Variants in ETV7 observed in about 807,000 individuals in gnomAD.
ETV7 encodes ETS variant transcription factor 7, also known as transcription factor ETV7.
In ETV7, 43 loss-of-function variants were observed where a neutral mutation model predicts 39.1. The ratio of observed to expected loss-of-function variants is 1.10; its 90% confidence interval spans 0.86 to 1.42. The LOEUF is 1.42. Among genes scored for constraint, ETV7 ranks in the 40% most tolerant of loss-of-function variants. The pLI is 0.00. For synonymous variants in ETV7, 196 were observed against 176.6 expected (o/e 1.11, Z -0.87); for missense variants, 432 against 442.3 (o/e 0.98, Z 0.21).
chr6:36,354,448 G>A lies in ETV7; in HGVS notation c.*194C>T, dbSNP rs1015357648. ...TTTTTGGAGATGGTGTAAGGTAAGG[G>A]GACAACTTTATTCTTTTGCATGTGG... On this transcript the variant is annotated 3_prime_UTR_variant, in exon 8 of 8. Coordinates refer to the ETV7 transcript ENST00000339796. The A allele has an allele frequency of 4.0e-5, 18 of 453,390 alleles. No homozygotes were observed. In the Admixed American group the frequency reaches 4.4e-4, roughly 11 times the overall value. 28.1% of individuals were successfully genotyped at this position (453,390 alleles called of 1,614,324 possible).
At chr6:36,357,152 G>A (rs1277342212) in intron 7 of ETV7, among the ~76,000 whole-genome samples, 1 of 152,148 alleles carries the variant, frequency 6.6e-6, no homozygotes, top group African/African-American at 2.4e-5. Flanking sequence ...ATTTGCCACT[G>A]AGAGGGCTGC....
At chr6:36,361,784 C>T (rs566532740), downstream of ETV7, among the ~76,000 whole-genome samples, 4 of 152,192 alleles carry the variant, frequency 2.6e-5, no homozygotes, top group Admixed American at 1.3e-4. Flanking sequence ...TTCATAAATT[C>T]TTTATCTATT....
At chr6:36,371,292 T>G in intron 5 of ETV7, 38 bp downstream of exon 5, 1 of 1,537,214 alleles carries the variant, frequency 6.5e-7, no homozygotes, top group South Asian at 1.2e-5. Flanking sequence ...TCAGACTCAG[T>G]GCACCTTCCA....
At chr6:36,374,356 CA>C (rs34244110) in intron 3 of ETV7, among the ~76,000 whole-genome samples, 50 of 143,322 alleles carry the variant, frequency 3.5e-4, no homozygotes, top group Admixed American at 4.8e-4. Flanking sequence ...GACCCTGTCT[CA>C]AAAAAAAAAA....
At chr6:36,359,513 G>A (rs887981475) in intron 7 of ETV7, among the ~76,000 whole-genome samples, 3 of 152,086 alleles carry the variant, frequency 2.0e-5, no homozygotes, top group African/African-American at 7.2e-5. Flanking sequence ...TACTACAGGA[G>A]AGAAAGTGAC....
At chr6:36,378,812 C>T (rs1212255402) in intron 2 of ETV7, among the ~76,000 whole-genome samples, 13 of 152,194 alleles carry the variant, frequency 8.5e-5, no homozygotes. Flanking sequence ...TGTCTCCAGA[C>T]ACGGCCAAAT....
chr6:36,354,924 T>C (rs58528208), intron 7 of ETV7, among the ~76,000 whole-genome samples: 5,969 of 152,320 alleles, frequency 0.039, 213 homozygotes, highest in East Asian at 0.13. Context: ...TTATTTTGAA[T>C]TTCATTTTCA....
At chr6:36,373,633 C>T (rs1561909077) in intron 3 of ETV7, 55 bp from the exon 4 acceptor site, 3 of 1,483,324 alleles carry the variant, frequency 2.0e-6, no homozygotes, top group East Asian at 2.8e-5. Context: ...TGGGGAGGGC[C>T]AGCCTCATCC....
intron 7 of ETV7, among the ~76,000 whole-genome samples, chr6:36,355,702 C>G (rs930703704): frequency 6.6e-6 from 1 of 152,300 alleles, no homozygotes; most frequent in South Asian, 2.1e-4. Context: ...TGTGAGCCAC[C>G]GCACCCAGCC....
chr6:36,383,495 C>G, intron 2 of ETV7, among the ~76,000 whole-genome samples: 1 of 152,156 alleles, frequency 6.6e-6, no homozygotes, highest in East Asian at 1.9e-4. Flanking sequence ...TGTTTATTCA[C>G]TTCCTGCTGA....
intron 5 of ETV7, 77 bp from the exon 6 acceptor site, chr6:36,369,148 G>A: frequency 6.4e-7 from 1 of 1,572,210 alleles, no homozygotes; most frequent in South Asian, 1.1e-5. Context: ...AGGCACTCTT[G>A]GAAGCCTCCC....
At chr6:36,369,691 G>A (rs1423302217) in intron 5 of ETV7, among the ~76,000 whole-genome samples, 2 of 152,226 alleles carry the variant, frequency 1.3e-5, no homozygotes, top group Admixed American at 1.3e-4. Flanking sequence ...ATGGGGTGGT[G>A]AGAGAATTAG....
chr6:36,368,800 G>T, intron 6 of ETV7, 129 bp downstream of exon 6: 1 of 1,230,770 alleles, frequency 8.1e-7, no homozygotes. Flanking sequence ...AAATTATCCT[G>T]TCACTTTTGG....
chr6:36,365,247 G>T (rs1772674147), downstream of ETV7, among the ~76,000 whole-genome samples: 1 of 152,208 alleles, frequency 6.6e-6, no homozygotes, highest in Non-Finnish European at 1.5e-5. Flanking sequence ...GCCCTCAGGA[G>T]GCCCCAATCA....
At chr6:36,387,507 C>T (rs375397081) in intron 1 of ETV7, 29 bp downstream of exon 1, 1 of 1,613,906 alleles carries the variant, frequency 6.2e-7, no homozygotes, top group Non-Finnish European at 8.5e-7. Flanking sequence ...TCTGCGTGCG[C>T]GCTGCGTGTT....
intron 4 of ETV7, among the ~76,000 whole-genome samples, chr6:36,372,612 T>C (rs1397711784): frequency 2.1e-5 from 3 of 141,682 alleles, no homozygotes; most frequent in African/African-American, 5.3e-5. Flanking sequence ...ACAGGATTTA[T>C]GGACAGTTGG....
At chr6:36,359,449 C>T (rs1284012164) in intron 7 of ETV7, among the ~76,000 whole-genome samples, 3 of 140,146 alleles carry the variant, frequency 2.1e-5, no homozygotes, top group Non-Finnish European at 4.5e-5. Context: ...GAAACTCAGT[C>T]TCAAAAAAAA....
At chr6:36,364,440 G>C (rs1206496117), downstream of ETV7, among the ~76,000 whole-genome samples, 1 of 152,222 alleles carries the variant, frequency 6.6e-6, no homozygotes, top group Non-Finnish European at 1.5e-5. Context: ...CACTGCTGGG[G>C]GACCCAGTAC....
chr6:36,364,607 C>CCT (rs1466060980), downstream of ETV7, among the ~76,000 whole-genome samples: 1 of 152,228 alleles, frequency 6.6e-6, no homozygotes, highest in East Asian at 1.9e-4. Flanking sequence ...CCCGCTCGTG[C>CCT]CTCTCCCTCC....
Sources: allele counts gnomAD v4.1 joint callset (sites outside exome capture counted in the v4.1 genomes callset), GRCh38; gene constraint gnomAD v4.1.1; transcripts MANE v1.5; gene names NCBI Gene and HGNC (gene_info 2026-07-23, HGNC 2026-07-21).